Variants in CFAP54 observed in about 807,000 individuals in gnomAD.
The protein encoded by CFAP54 is cilia and flagella associated protein 54, also known as cilia- and flagella-associated protein 54.
A neutral mutation model predicts 370.4 loss-of-function variants in CFAP54; 290 were observed. The ratio of observed to expected loss-of-function variants is 0.78; its 90% CI spans 0.71 to 0.86. CFAP54 has a LOEUF of 0.86. Ranked by LOEUF, CFAP54 falls within the 40% of genes least tolerant of loss-of-function variation. The pLI is 0.00. For missense variants in CFAP54, 3,399 were observed against 3,528.7 expected, an observed-to-expected ratio of 0.96 and a Z score of 0.93; for synonymous variants, 1,206 against 1,236.5, an observed-to-expected ratio of 0.98 and a Z score of 0.52.
intron 17 of CFAP54, among the ~76,000 whole-genome samples, chr12:96,556,543 C>T (rs565252386): frequency 5.6e-4 from 85 of 152,138 alleles, no homozygotes; most frequent in Non-Finnish European, 9.3e-4. Flanking sequence ...TCTTACAGTT[C>T]TGGAGTCAGA....
intron 50 of CFAP54, among the ~76,000 whole-genome samples, chr12:96,730,246 C>T (rs1957906080): frequency 6.6e-6 from 1 of 152,096 alleles, no homozygotes; most frequent in African/African-American, 2.4e-5. Flanking sequence ...TTAAAAAGGT[C>T]CTGACATCAT....
intron 60 of CFAP54, among the ~76,000 whole-genome samples, chr12:96,770,190 GTGTGTGTGTGTGTGTGTGTGAATT>G (rs1257970662): frequency 5.3e-5 from 2 of 37,770 alleles, no homozygotes; most frequent in African/African-American, 1.0e-4. Flanking sequence ...AAGGTGGGAT[GTGTGTGTGTGTGTGTGTGTGAATT>G]TGTGTGTGTG....
chr12:96,584,422 C>T (rs1171217051), intron 22 of CFAP54, among the ~76,000 whole-genome samples: 1 of 152,138 alleles, frequency 6.6e-6, no homozygotes, highest in Non-Finnish European at 1.5e-5. Flanking sequence ...CAAGATTATG[C>T]CACTGCATTT....
intron 56 of CFAP54, among the ~76,000 whole-genome samples, chr12:96,755,154 G>T (rs2136658611): frequency 6.6e-6 from 1 of 152,080 alleles, no homozygotes; most frequent in South Asian, 2.1e-4. Context: ...GACTTTTTAG[G>T]ATTTATTTTT....
intron 63 of CFAP54, among the ~76,000 whole-genome samples, chr12:96,794,441 T>C (rs1417997876): frequency 6.7e-6 from 1 of 149,106 alleles, no homozygotes; most frequent in Non-Finnish European, 1.5e-5. Context: ...TTTTTATTCT[T>C]TTTTTTTTTG....
intron 55 of CFAP54, among the ~76,000 whole-genome samples, chr12:96,746,131 G>C (rs974952618): frequency 6.6e-6 from 1 of 152,070 alleles, no homozygotes; most frequent in Non-Finnish European, 1.5e-5. Context: ...TGGGGACCTT[G>C]CTTTGGCACT....
At chr12:96,526,291 A>G (rs1401346569) in intron 8 of CFAP54, among the ~76,000 whole-genome samples, 2 of 152,226 alleles carry the variant, frequency 1.3e-5, no homozygotes, top group Admixed American at 6.5e-5. Context: ...AAGCATGTGC[A>G]GGAAGTGCAG....
At chr12:96,490,218 A>G (rs1199635370) in intron 1 of CFAP54, among the ~76,000 whole-genome samples, 2 of 152,246 alleles carry the variant, frequency 1.3e-5, no homozygotes, top group African/African-American at 2.4e-5. Flanking sequence ...AGATGGTAAC[A>G]TAAGCAGGAA....
chr12:96,819,472 G>C (rs1430866765), intron 65 of CFAP54, among the ~76,000 whole-genome samples: 1 of 152,124 alleles, frequency 6.6e-6, no homozygotes, highest in Non-Finnish European at 1.5e-5. Context: ...AGAAATTATT[G>C]TTTTTTCTGG....
Position 96,737,350 on chromosome 12 carries a change from A to G in CFAP54, c.6966-2606A>G, listed in dbSNP as rs76368855. On this transcript the variant is annotated intron_variant, in intron 50 of 67. Transcript: ENST00000524981. ...TTAATATAGTACCTGTCAGGTGGCA[A>G]ACACTTGGTAAATACCAGTTATTAT... is the stretch of plus-strand genomic sequence containing the variant. Among the ~76,000 whole-genome samples the G allele has an allele frequency of 9.7e-3, 1,477 of 152,214 alleles. 57 individuals carry two copies. In the East Asian group the frequency reaches 0.1, roughly 11 times the overall value.
At chr12:96,519,664 CAAAT>C (rs1165971457) in intron 6 of CFAP54, among the ~76,000 whole-genome samples, 1 of 152,006 alleles carries the variant, frequency 6.6e-6, no homozygotes, top group African/African-American at 2.4e-5. Context: ...TTTTAAATGA[CAAAT>C]AATAATTGTA....
At chr12:96,837,535 G>GT (rs1959190127) in intron 66 of CFAP54, among the ~76,000 whole-genome samples, 1 of 152,150 alleles carries the variant, frequency 6.6e-6, no homozygotes, top group African/African-American at 2.4e-5. Flanking sequence ...TCCTGTATAA[G>GT]TGCAGGTTGG....
intron 60 of CFAP54, among the ~76,000 whole-genome samples, chr12:96,783,147 T>C (rs1384236937): frequency 6.6e-6 from 1 of 151,204 alleles, no homozygotes; most frequent in East Asian, 1.9e-4. Context: ...ATTTATTACA[T>C]GTTATGTAAT....
In CFAP54 at chr12:96,595,857, C is replaced by T. The variant is rs553129787; in HGVS notation, c.3516+1411C>T. Among the ~76,000 whole-genome samples the T allele has an allele frequency of 1.1e-4, 16 of 152,180 alleles. No homozygotes were observed. The South Asian group carries it at 2.7e-3, about 26-fold the overall frequency. ...ATCAGACCTACTTTGGAGGGGGTAT[C>T]CCAGCCTCCCCCAGATATTTAATGT... On this transcript the variant is annotated intron_variant, in intron 25 of 67. Coordinates refer to ENST00000524981, the MANE Select transcript of CFAP54 (RefSeq NM_001306084.2).
intron 39 of CFAP54, among the ~76,000 whole-genome samples, chr12:96,664,711 ATATC>A (rs1565934210): frequency 0.03 from 338 of 11,282 alleles, 11 homozygotes; most frequent in East Asian, 0.21. Flanking sequence ...ATATATATAT[ATATC>A]TATATATATC....
intron 60 of CFAP54, among the ~76,000 whole-genome samples, chr12:96,771,486 A>G (rs1475041560): frequency 6.6e-6 from 1 of 152,216 alleles, no homozygotes; most frequent in Non-Finnish European, 1.5e-5. Context: ...CCCCGTCTCT[A>G]CTAAAAATAC....
intron 65 of CFAP54, among the ~76,000 whole-genome samples, chr12:96,826,719 C>A (rs1364429793): frequency 5.7e-5 from 6 of 104,998 alleles, no homozygotes; most frequent in South Asian, 2.8e-4. Flanking sequence ...TAATATACAA[C>A]AGAATATATT....
At chr12:96,507,180 C>A in intron 4 of CFAP54, 81 bp downstream of exon 4, 1 of 1,097,280 alleles carries the variant, frequency 9.1e-7, no homozygotes, top group Non-Finnish European at 1.2e-6. Flanking sequence ...GCTTGAGTAC[C>A]TTGTGATTTA....
chr12:96,758,070 G>C lies in CFAP54; in HGVS notation c.8040+482G>C, dbSNP rs75654780. On this transcript the variant is annotated intron_variant, in intron 58 of 67. Transcript: ENST00000524981. ...TCTATTGAGCATCTACTATGATCCAGGTACTCTCATAGAGGAAGATGTTAA... is the reference window on the plus strand; with the variant it reads ...TCTATTGAGCATCTACTATGATCCACGTACTCTCATAGAGGAAGATGTTAA... Among the ~76,000 whole-genome samples the C allele has an allele frequency of 6.4e-3, 971 of 152,208 alleles. 4 individuals are homozygous for C. The highest frequency in any genetic ancestry group is 1.0e-2 in the Non-Finnish European group (679 of 68,016).
Sources: gnomAD v4.1 joint callset for allele counts (sites outside exome capture counted in the v4.1 genomes callset) on GRCh38, gnomAD v4.1.1 for gene constraint, MANE v1.5 for transcripts, NCBI Gene and HGNC (gene_info 2026-07-23, HGNC 2026-07-21) for gene names.